EYS: variants seen among roughly 807,000 people sequenced by gnomAD.
EYS encodes EGF-like photoreceptor maintenance factor.
Under a neutral mutation model 282.1 loss-of-function variants are expected in EYS, and 250 were observed. That is an observed-to-expected ratio of 0.89 (90% CI 0.80 to 0.98). The LOEUF (loss-of-function observed/expected upper bound fraction) is 0.98, where lower values mean the gene tolerates loss of function less well. EYS is among the 50% of genes least tolerant of loss of function. EYS has a pLI of 0.00. For missense variants in EYS, 4,016 were observed against 3,709.0 expected, an observed-to-expected ratio of 1.08 and a Z score of -2.15; for synonymous variants, 1,355 against 1,282.9, an observed-to-expected ratio of 1.06 and a Z score of -1.20.
At chr6:65,170,999 T>G (rs1216533947) in intron 12 of EYS, among the ~76,000 whole-genome samples, 1 of 151,502 alleles carries the variant, frequency 6.6e-6, no homozygotes, top group Admixed American at 6.6e-5. Flanking sequence ...CGTCAACTAC[T>G]TTCTCTCCTC....
At chr6:64,643,949 T>G (rs1436950598) in intron 22 of EYS, among the ~76,000 whole-genome samples, 1 of 152,218 alleles carries the variant, frequency 6.6e-6, no homozygotes, top group Admixed American at 6.5e-5. Context: ...TAACACATTC[T>G]GTAAGGCACT....
chr6:64,649,709 C>T (rs1052644720), intron 22 of EYS, among the ~76,000 whole-genome samples: 10 of 152,260 alleles, frequency 6.6e-5, no homozygotes, highest in Non-Finnish European at 1.0e-4. Flanking sequence ...TTTACCATCA[C>T]TAATTTATCT....
Position 64,346,714 on chromosome 6 carries a change from T to TAAACA in EYS, c.6079-39637_6079-39633dup, listed in dbSNP as rs1391857691. On this transcript the variant is annotated intron_variant, in intron 29 of 42. Transcript: ENST00000503581. ...ACTTAAAGTATAATAATAATAAAAT[T>TAAACA]AAACAAAACAAAACAAAAAAACATT... Among the ~76,000 whole-genome samples, 14 of 151,002 alleles carry TAAACA rather than the reference T, an allele frequency of 9.3e-5. 1 individual carries two copies. The South Asian group carries it at 1.2e-3, about 13-fold the overall frequency.
chr6:63,802,551 A>G (rs1238778503), intron 37 of EYS, among the ~76,000 whole-genome samples: 1 of 152,054 alleles, frequency 6.6e-6, no homozygotes, highest in Non-Finnish European at 1.5e-5. Flanking sequence ...TTTTTGATTC[A>G]AGAAGGCCTG....
intron 12 of EYS, among the ~76,000 whole-genome samples, chr6:65,084,960 A>G (rs1245102648): frequency 2.6e-5 from 4 of 152,090 alleles, no homozygotes; most frequent in Non-Finnish European, 5.9e-5. Flanking sequence ...CTATATTCCT[A>G]AGGGAGAGCA....
At chr6:63,889,129 T>A (rs966343209) in intron 35 of EYS, among the ~76,000 whole-genome samples, 5 of 151,994 alleles carry the variant, frequency 3.3e-5, no homozygotes, top group African/African-American at 2.4e-5. Flanking sequence ...CTCCAAGAAA[T>A]ATGGGACTAT....
At chr6:65,044,342 C>T (rs1165662798) in intron 13 of EYS, among the ~76,000 whole-genome samples, 2 of 151,322 alleles carry the variant, frequency 1.3e-5, no homozygotes, top group African/African-American at 4.9e-5. Context: ...GTGGGTTGTC[C>T]TCATTTTGTT....
chr6:65,200,259 T>C (rs1197202616), intron 12 of EYS, among the ~76,000 whole-genome samples: 1 of 148,308 alleles, frequency 6.7e-6, no homozygotes, highest in Non-Finnish European at 1.5e-5. Flanking sequence ...GATGAGGGAG[T>C]AGTGATAAGG....
rs2150157671 is a variant in EYS at position 65,057,687 on chromosome 6, A to C, written c.2064T>G (p.His688Gln). 6.4e-7 allele frequency: 1 copy of C among 1,551,094 alleles called. No individual in the cohort carries two copies. Among genetic ancestry groups the C allele is most frequent in the Non-Finnish European group, 8.7e-7 (1 of 1,146,584 alleles). ...TGCAGGTGGCTCCATTTTTGCAGGG[A>C]TGTGAAGCACACTCATCTATATCAA... ...CEIDIDECAS[H>Q]PCKNGATCID... is the part of the protein sequence containing the mutation. The change falls in exon 13 of 43, where the codon CAT becomes CAG. Residue 688 changes from histidine (H) to glutamine (Q), a missense_variant. His to Gln is a conservative substitution (Grantham distance 24, BLOSUM62 0). Coordinates refer to ENST00000503581, the MANE Select transcript of EYS (RefSeq NM_001142800.2).
At chr6:63,752,813 T>C (rs879944908) in intron 41 of EYS, among the ~76,000 whole-genome samples, 5 of 152,056 alleles carry the variant, frequency 3.3e-5, no homozygotes, top group Non-Finnish European at 5.9e-5. Context: ...TTTTCTTAAA[T>C]TGAAGTTTGC....
chr6:65,466,898 T>A (rs1765019724), intron 5 of EYS, among the ~76,000 whole-genome samples: 1 of 152,166 alleles, frequency 6.6e-6, no homozygotes, highest in Admixed American at 6.6e-5. Flanking sequence ...AGAGAGCTCT[T>A]AAGGGCAGTA....
chr6:65,224,805 T>C (rs571526381), intron 12 of EYS, among the ~76,000 whole-genome samples: 5 of 152,242 alleles, frequency 3.3e-5, no homozygotes, highest in African/African-American at 1.2e-4. Context: ...CAATAATTTA[T>C]ATAACCAAAA....
chr6:64,575,997 T>C (rs1251934652), intron 26 of EYS, among the ~76,000 whole-genome samples: 1 of 152,096 alleles, frequency 6.6e-6, no homozygotes, highest in South Asian at 2.1e-4. Flanking sequence ...ATAGAACTTT[T>C]CTAAAGACAA....
chr6:65,701,288 C>A (rs1028911211), intron 1 of EYS, among the ~76,000 whole-genome samples: 14 of 152,106 alleles, frequency 9.2e-5, no homozygotes, highest in African/African-American at 3.4e-4. Flanking sequence ...CTATTTTACT[C>A]CTTATGCCAA....
Position 64,603,308 on chromosome 6 carries a change from C to T in EYS, c.3685-9999G>A, listed in dbSNP as rs9452118. On this transcript the variant is annotated intron_variant, in intron 24 of 42. Transcript: ENST00000503581. The stretch of plus-strand genomic sequence containing the variant: ...TTCTTATCCTACTGCTGCTCCTCTT[C>T]CTTTTTCTTCTTCATTTCAAGAGCA... Among the ~76,000 whole-genome samples, 874 of 152,076 alleles carry T rather than the reference C, an allele frequency of 5.7e-3. 12 individuals are homozygous for T. The highest frequency in any genetic ancestry group is 0.02 in the African/African-American group (837 of 41,514).
In EYS at chr6:65,057,625, G is replaced by T; in HGVS notation, c.2126C>A (p.Pro709His). 1.3e-6 allele frequency: 2 copies of T among 1,546,210 alleles called. No homozygotes were observed. The highest frequency in any genetic ancestry group is 8.8e-7 in the Non-Finnish European group (1 of 1,142,262). ...TTGGTGTTCATTACCTTTAAATGGA[G>T]GCACACACTGGCAGAAGTAATTACC... ...QPGNYFCQCV[P>H]PFKVVDGFSC... is the part of the protein sequence containing the mutation. Residue 709 changes from proline (P) to histidine (H), a missense_variant, in exon 13 of 43, where the codon CCT becomes CAT. Pro to His is a moderately conservative substitution (Grantham distance 77, BLOSUM62 -2). Transcript: ENST00000503581.
chr6:64,450,554 C>T (rs1385515178), intron 26 of EYS, among the ~76,000 whole-genome samples: 7 of 152,150 alleles, frequency 4.6e-5, no homozygotes, highest in Admixed American at 4.6e-4. Context: ...ACAGAATATA[C>T]ATTCTTTCAG....
chr6:64,439,416 T>C, intron 26 of EYS, 64 bp from the exon 27 acceptor site: 5 of 1,081,178 alleles, frequency 4.6e-6, no homozygotes, highest in Non-Finnish European at 6.4e-6. Flanking sequence ...AGGTTTCACA[T>C]TATTAACATA....
intron 32 of EYS, among the ~76,000 whole-genome samples, chr6:64,075,317 G>T (rs565341789): frequency 6.6e-6 from 1 of 151,910 alleles, no homozygotes; most frequent in Non-Finnish European, 1.5e-5. Context: ...GCTCTGGGGA[G>T]AACTGAAGGA....
Sources: allele counts gnomAD v4.1 joint callset (sites outside exome capture counted in the v4.1 genomes callset), GRCh38; gene constraint gnomAD v4.1.1; transcripts MANE v1.5; gene names NCBI Gene and HGNC (gene_info 2026-07-23, HGNC 2026-07-21).